CNTN4: variants seen among roughly 807,000 people sequenced by gnomAD.
CNTN4 encodes the protein contactin 4.
Under a neutral mutation model 122.5 loss-of-function variants are expected in CNTN4, and 77 were observed. The observed-to-expected ratio is 0.63, with a 90% CI of 0.52 to 0.76. The LOEUF (loss-of-function observed/expected upper bound fraction) is 0.76. Ranked by LOEUF, CNTN4 falls within the 30% of genes least tolerant of loss-of-function variation. The pLI is 0.00. For synonymous variants in CNTN4, 512 were observed against 447.0 expected (o/e 1.15, Z -1.83); for missense variants, 1,256 against 1,259.1 (o/e 1.00, Z 0.04).
At chr3:2,696,715 T>TCC (rs2086053665) in intron 4 of CNTN4, among the ~76,000 whole-genome samples, 1 of 152,244 alleles carries the variant, frequency 6.6e-6, no homozygotes, top group Non-Finnish European at 1.5e-5. Context: ...TCCAGTTTCT[T>TCC]AATATGGAGG....
chr3:2,492,579 G>A (rs774081832), intron 3 of CNTN4, among the ~76,000 whole-genome samples: 5 of 152,180 alleles, frequency 3.3e-5, no homozygotes, highest in African/African-American at 7.2e-5. Context: ...TTACAGATAC[G>A]TAGGTGACCA....
At chr3:2,708,619 A>G (rs1340356918) in intron 4 of CNTN4, among the ~76,000 whole-genome samples, 2 of 152,180 alleles carry the variant, frequency 1.3e-5, no homozygotes, top group Non-Finnish European at 2.9e-5. Flanking sequence ...CACATCATGA[A>G]TATTCAAAAC....
chr3:2,713,649 C>G (rs2087292800), intron 4 of CNTN4, among the ~76,000 whole-genome samples: 1 of 152,120 alleles, frequency 6.6e-6, no homozygotes, highest in Admixed American at 6.5e-5. Context: ...TTAGAAAGAC[C>G]TTCCTGCTTC....
chr3:2,662,680 A>G (rs1176668238), intron 4 of CNTN4, among the ~76,000 whole-genome samples: 1 of 152,174 alleles, frequency 6.6e-6, no homozygotes, highest in African/African-American at 2.4e-5. Flanking sequence ...AGGTATAGGG[A>G]CCTTCCAGGC....
rs576079389 is a variant in CNTN4 at position 2,283,070 on chromosome 3, A to G, written c.-144-56108A>G. Among the ~76,000 whole-genome samples the G allele has an allele frequency of 2.6e-5, 4 of 152,128 alleles. No individual in the cohort carries two copies. The South Asian group carries it at 6.2e-4, about 24-fold the overall frequency. On this transcript the variant is annotated intron_variant, in intron 2 of 24. Transcript: ENST00000418658. ...AAAAAATTCTGGAGTGGTGGTGGCT[A>G]CACAATTTTGTGAAATATACTAAAA...
intron 3 of CNTN4, among the ~76,000 whole-genome samples, chr3:2,353,951 C>T (rs1406828126): frequency 6.6e-6 from 1 of 152,112 alleles, no homozygotes; most frequent in Non-Finnish European, 1.5e-5. Flanking sequence ...GGAGTCCTCA[C>T]TTGATGACAA....
At chr3:2,725,216 G>A (rs1454404865) in intron 4 of CNTN4, among the ~76,000 whole-genome samples, 1 of 152,118 alleles carries the variant, frequency 6.6e-6, no homozygotes, top group Non-Finnish European at 1.5e-5. Flanking sequence ...AAAACAGCCT[G>A]ATGTGGTTGC....
chr3:3,015,496 T>C (rs1305902109), intron 14 of CNTN4, among the ~76,000 whole-genome samples: 1 of 152,234 alleles, frequency 6.6e-6, no homozygotes, highest in Admixed American at 6.5e-5. Flanking sequence ...TGCTCCTCGG[T>C]GACCTCATCT....
intron 10 of CNTN4, among the ~76,000 whole-genome samples, chr3:2,897,452 A>C (rs893134826): frequency 2.0e-5 from 3 of 148,700 alleles, no homozygotes; most frequent in East Asian, 2.0e-4. Flanking sequence ...AAAAAAAAAG[A>C]CATTTAGAAA....
intron 2 of CNTN4, among the ~76,000 whole-genome samples, chr3:2,298,243 G>A (rs1187759862): frequency 6.6e-6 from 1 of 151,936 alleles, no homozygotes; most frequent in African/African-American, 2.4e-5. Flanking sequence ...CTCCTTTAAG[G>A]TTCTTGTCGT....
chr3:2,847,445 G>A (rs1010914438), intron 7 of CNTN4, among the ~76,000 whole-genome samples: 4 of 152,216 alleles, frequency 2.6e-5, no homozygotes, highest in Non-Finnish European at 5.9e-5. Context: ...TTTGTGATCT[G>A]AAGTGTTGCA....
At chr3:2,444,709 G>C (rs1023339579) in intron 3 of CNTN4, among the ~76,000 whole-genome samples, 3 of 152,178 alleles carry the variant, frequency 2.0e-5, no homozygotes, top group African/African-American at 7.2e-5. Flanking sequence ...CATTACCACT[G>C]CAGCCTAGTA....
chr3:2,494,046 A>G (rs916870112), intron 3 of CNTN4, among the ~76,000 whole-genome samples: 15 of 151,350 alleles, frequency 9.9e-5, no homozygotes, highest in African/African-American at 3.6e-4. Context: ...TTTTTCCTGT[A>G]GTCAGAAATG....
rs2093415014 is a variant in CNTN4 at position 2,844,152 on chromosome 3, A to C, written c.455-22600A>C. Among the ~76,000 whole-genome samples the C allele has an allele frequency of 2.6e-5, 4 of 152,060 alleles. No homozygotes were observed. In the South Asian group the frequency reaches 6.2e-4, roughly 24 times the overall value. ...GTCCCCCAGATACCTCGTGGCTTGC[A>C]ACCTTCTTTCATTTCAAATCTCTGC... On this transcript the variant is annotated intron_variant, in intron 7 of 24. Transcript: ENST00000418658.
chr3:2,329,353 C>A (rs552869865), intron 2 of CNTN4, among the ~76,000 whole-genome samples: 1 of 152,110 alleles, frequency 6.6e-6, no homozygotes, highest in Non-Finnish European at 1.5e-5. Flanking sequence ...AAATTGTGAG[C>A]CTCTCAGGCC....
At chr3:2,932,056 G>C (rs886153298) in intron 13 of CNTN4, among the ~76,000 whole-genome samples, 7 of 151,558 alleles carry the variant, frequency 4.6e-5, no homozygotes, top group Non-Finnish European at 1.0e-4. Context: ...TGTGTGGCCG[G>C]GGTGGGGGGT....
At chr3:2,274,717 G>A (rs2041434451) in intron 2 of CNTN4, among the ~76,000 whole-genome samples, 1 of 152,118 alleles carries the variant, frequency 6.6e-6, no homozygotes, top group Non-Finnish European at 1.5e-5. Flanking sequence ...TTTGAGGAGG[G>A]AGGAGGGAAG....
At chr3:2,801,817 T>C (rs1275275060) in intron 6 of CNTN4, among the ~76,000 whole-genome samples, 1 of 152,058 alleles carries the variant, frequency 6.6e-6, no homozygotes, top group Non-Finnish European at 1.5e-5. Context: ...TTATTAGAGG[T>C]TTAATTCTAA....
chr3:2,976,502 T>C (rs1693426074), intron 13 of CNTN4, among the ~76,000 whole-genome samples: 1 of 152,080 alleles, frequency 6.6e-6, no homozygotes, highest in Non-Finnish European at 1.5e-5. Context: ...TCAATAGTGA[T>C]GTCTATTGCC....
Sources: gnomAD v4.1 joint callset for allele counts (sites outside exome capture counted in the v4.1 genomes callset) on GRCh38, gnomAD v4.1.1 for gene constraint, MANE v1.5 for transcripts, NCBI Gene and HGNC (gene_info 2026-07-23, HGNC 2026-07-21) for gene names.